The following FER variants were observed in gnomAD, a reference collection of about 807,000 sequenced individuals.
The protein encoded by FER is FER tyrosine kinase, also known as tyrosine-protein kinase Fer.
FER carries 63 observed loss-of-function variants against 111.0 expected under a neutral mutation model. That is an observed-to-expected ratio of 0.57 (90% CI 0.46 to 0.70). FER has a LOEUF of 0.70. Among genes scored for constraint, FER ranks in the 30% least tolerant of loss-of-function variants. FER has a pLI of 0.00. For synonymous variants in FER, 327 were observed against 313.9 expected (o/e 1.04, Z -0.44); for missense variants, 914 against 954.0 (o/e 0.96, Z 0.55).
At chr5:108,965,385 G>A (rs1418666492) in intron 13 of FER, among the ~76,000 whole-genome samples, 1 of 152,078 alleles carries the variant, frequency 6.6e-6, no homozygotes, top group South Asian at 2.1e-4. Flanking sequence ...CTGCAAAATA[G>A]CGTATAGTTT....
intron 9 of FER, among the ~76,000 whole-genome samples, chr5:108,895,131 G>A (rs1748879610): frequency 6.6e-6 from 1 of 152,136 alleles, no homozygotes; most frequent in Non-Finnish European, 1.5e-5. Context: ...TAACAGTAAA[G>A]CATAGAGATT....
intron 13 of FER, among the ~76,000 whole-genome samples, chr5:108,984,984 G>A (rs2149730966): frequency 6.6e-6 from 1 of 152,162 alleles, no homozygotes; most frequent in East Asian, 1.9e-4. Flanking sequence ...AAAGGTTAAT[G>A]TTAGCAATTT....
chr5:109,140,128 T>G lies in FER; in HGVS notation c.2048+39609T>G, dbSNP rs115006373. ...CTAGCAAATTAAGCCTTTTTAAAAT[T>G]CTGTGCACACAAAAAACATATGCTT... is the stretch of plus-strand genomic sequence containing the variant. On this transcript the variant is annotated intron_variant, in intron 17 of 19. Coordinates refer to ENST00000281092, the MANE Select transcript of FER (RefSeq NM_005246.4). Among the ~76,000 whole-genome samples, 765 of 152,298 alleles carry G rather than the reference T, an allele frequency of 5.0e-3. 10 individuals carry two copies. The highest frequency in any genetic ancestry group is 0.018 in the African/African-American group (745 of 41,572).
In FER at chr5:108,977,698, CT is replaced by C. The variant is rs879790117; in HGVS notation, c.1656+18353del. Among the ~76,000 whole-genome samples, 27 of 152,284 alleles carry C rather than the reference CT, an allele frequency of 1.8e-4. 1 individual carries two copies. The Middle Eastern group carries it at 0.024, about 134-fold the overall frequency. ...GTTTATATACTCCCTTTTCCTCATCCTTCACATTTAATAAGTCATGAATTCC... is the reference window on the plus strand; with the variant it reads ...GTTTATATACTCCCTTTTCCTCATCCTCACATTTAATAAGTCATGAATTCC... On this transcript the variant is annotated intron_variant, in intron 13 of 19. Transcript: ENST00000281092.
chr5:109,075,712 C>T (rs1776263656), intron 16 of FER, among the ~76,000 whole-genome samples: 1 of 152,094 alleles, frequency 6.6e-6, no homozygotes, highest in African/African-American at 2.4e-5. Flanking sequence ...CGTGAACCAC[C>T]ATGCCCAGCC....
chr5:108,807,753 G>C (rs1290374913), intron 3 of FER, among the ~76,000 whole-genome samples: 1 of 152,034 alleles, frequency 6.6e-6, no homozygotes, highest in Non-Finnish European at 1.5e-5. Flanking sequence ...GTGGTGTTTA[G>C]TGCTATATAC....
rs553030508 is a variant in FER, at chr5:109,025,051, C to T, written c.1657-12371C>T. On this transcript the variant is annotated intron_variant, in intron 13 of 19. Transcript: ENST00000281092. Reference sequence around the variant, plus strand: ...TGTAGTATAGTTTGAAGTCAGGTAGCGTGATGCCTCCAGCTTTGTTCTTTT... The same window carrying T: ...TGTAGTATAGTTTGAAGTCAGGTAGTGTGATGCCTCCAGCTTTGTTCTTTT... 1.4e-4 allele frequency among the ~76,000 whole-genome samples: 21 copies of T among 152,058 alleles called. No homozygotes were observed. In the South Asian group the frequency reaches 1.5e-3, roughly 11 times the overall value.
chr5:108,892,502 T>G (rs959703764), intron 9 of FER, among the ~76,000 whole-genome samples: 3 of 152,182 alleles, frequency 2.0e-5, no homozygotes, highest in Admixed American at 2.0e-4. Context: ...TCACCCCCTT[T>G]TTGATGGGGT....
chr5:108,870,233 C>G (rs1048791677), intron 6 of FER, among the ~76,000 whole-genome samples: 1 of 152,030 alleles, frequency 6.6e-6, no homozygotes, highest in Admixed American at 6.6e-5. Context: ...AGATGAATCT[C>G]ATGGAACAAA....
At chr5:109,022,636 C>T (rs531835812) in intron 13 of FER, among the ~76,000 whole-genome samples, 2 of 152,100 alleles carry the variant, frequency 1.3e-5, no homozygotes, top group East Asian at 1.9e-4. Context: ...GAAATATTAC[C>T]TTGTGAGGGT....
intron 16 of FER, among the ~76,000 whole-genome samples, chr5:109,065,597 C>G (rs1333326295): frequency 3.3e-5 from 5 of 152,122 alleles, no homozygotes; most frequent in African/African-American, 9.7e-5. Flanking sequence ...TGGCTCATCC[C>G]GTAATCCTAG....
At chr5:108,917,380 A>G (rs1752405825) in intron 10 of FER, among the ~76,000 whole-genome samples, 1 of 152,190 alleles carries the variant, frequency 6.6e-6, no homozygotes, top group African/African-American at 2.4e-5. Flanking sequence ...TGGGGAGTAA[A>G]ACAAGCATGG....
chr5:109,080,777 A>G (rs1184817276), intron 16 of FER, among the ~76,000 whole-genome samples: 1 of 152,080 alleles, frequency 6.6e-6, no homozygotes, highest in Non-Finnish European at 1.5e-5. Context: ...TTATTCTCAG[A>G]TTGCTTGAAT....
Position 109,052,227 on chromosome 5 carries a change from G to A in FER, c.1924+5029G>A, listed in dbSNP as rs902613319. The A allele has an allele frequency of 1.1e-5, 18 of 1,607,140 alleles. No individual in the cohort carries two copies. The African/African-American group carries it at 2.4e-4, about 21-fold the overall frequency. The stretch of plus-strand genomic sequence containing the variant: ...ACACAAATATGATCTGCAGGACCCA[G>A]AAGCGCACATGAGAGATTGGGAAAG... On this transcript the variant is annotated intron_variant, in intron 16 of 19. Transcript: ENST00000281092.
intron 13 of FER, among the ~76,000 whole-genome samples, chr5:108,979,069 A>AT (rs1761734724): frequency 6.6e-6 from 1 of 152,122 alleles, no homozygotes; most frequent in African/African-American, 2.4e-5. Context: ...GAATCAAACT[A>AT]TTTTTTTAGA....
intron 16 of FER, among the ~76,000 whole-genome samples, chr5:109,081,895 A>G (rs1345950654): frequency 3.3e-5 from 5 of 151,978 alleles, no homozygotes; most frequent in African/African-American, 1.2e-4. Context: ...GTTTCCTCCC[A>G]GTGAAGGAAG....
At chr5:108,964,896 G>A (rs948075430) in intron 13 of FER, among the ~76,000 whole-genome samples, 1 of 151,956 alleles carries the variant, frequency 6.6e-6, no homozygotes, top group Non-Finnish European at 1.5e-5. Flanking sequence ...CTGTGCTTTT[G>A]CAGTTAATCA....
Position 108,832,750 on chromosome 5 carries a change from C to CTTTT in FER, c.208-7_208-4dup. On this transcript the variant is annotated intron_variant, in intron 3 of 19. Transcript: ENST00000281092. ...AAACCTTTAATGCAAATGTTTGTTT[C>CTTTT]TTTTTTTTTTTTTTTTAAGTCTTGG... 5.5e-6 allele frequency: 7 copies of CTTTT among 1,283,708 alleles called. No individual in the cohort carries two copies. Among genetic ancestry groups the CTTTT allele is most frequent in the Admixed American group, 2.9e-5 (1 of 33,974 alleles). The allele number at this position is 1,283,708 out of a possible 1,614,324, so 79.5% of individuals were successfully genotyped here. A position where few individuals can be genotyped will look rare whatever the true frequency, so the allele number is the denominator to read the frequency against.
chr5:108,783,916 T>C (rs1754374887), intron 2 of FER, among the ~76,000 whole-genome samples: 1 of 152,128 alleles, frequency 6.6e-6, no homozygotes, highest in Non-Finnish European at 1.5e-5. Context: ...AGATTGGATA[T>C]CTAGCAAAAC....
Sources: gnomAD v4.1 joint callset for allele counts (sites outside exome capture counted in the v4.1 genomes callset) on GRCh38, gnomAD v4.1.1 for gene constraint, MANE v1.5 for transcripts, NCBI Gene and HGNC (gene_info 2026-07-23, HGNC 2026-07-21) for gene names.